The following UBR2 variants were observed in gnomAD, a reference collection of about 807,000 sequenced individuals.
The protein encoded by UBR2 is E3 ubiquitin-protein ligase UBR2.
Under a neutral mutation model 247.9 loss-of-function variants are expected in UBR2, and 92 were observed. That is an observed-to-expected ratio of 0.37 (90% CI 0.31 to 0.44). The LOEUF is 0.44. UBR2 is among the 20% of genes least tolerant of loss of function. UBR2 has a pLI of 1.00. For missense variants in UBR2, 1,613 were observed against 2,112.6 expected, an observed-to-expected ratio of 0.76 and a Z score of 4.64; for synonymous variants, 672 against 693.5, an observed-to-expected ratio of 0.97 and a Z score of 0.49.
At chr6:42,600,373 A>G (rs942545546) in intron 4 of UBR2, among the ~76,000 whole-genome samples, 5 of 152,184 alleles carry the variant, frequency 3.3e-5, no homozygotes, top group Non-Finnish European at 5.9e-5. Flanking sequence ...GTAATAATAG[A>G]TAATACAATA....
chr6:42,631,658 C>T (rs1160555164), intron 11 of UBR2, among the ~76,000 whole-genome samples: 1 of 151,238 alleles, frequency 6.6e-6, no homozygotes, highest in Non-Finnish European at 1.5e-5. Context: ...AAAAGTAGAC[C>T]TGGTTAAAAA....
intron 9 of UBR2, 138 bp from the exon 10 acceptor site, chr6:42,615,864 C>G: frequency 3.5e-6 from 2 of 564,502 alleles, no homozygotes. Context: ...TTAAGACCAG[C>G]CTGGGCAACA....
In UBR2 at chr6:42,662,562, G is replaced by C. The variant is rs577988933; in HGVS notation, c.3536+285G>C. Among the ~76,000 whole-genome samples, 4 of 152,314 alleles carry C rather than the reference G, an allele frequency of 2.6e-5. No homozygotes were observed. In the South Asian group the frequency reaches 8.3e-4, roughly 32 times the overall value. ...GATGAAGAAAAGGGTTTTTACAGTAGGATAAACTCTAGAAGGGTAATGTTG... is the reference window on the plus strand; with the variant it reads ...GATGAAGAAAAGGGTTTTTACAGTACGATAAACTCTAGAAGGGTAATGTTG... On this transcript the variant is annotated intron_variant, in intron 31 of 46. Transcript: ENST00000372901.
chr6:42,600,532 TATG>T (rs941037934), intron 4 of UBR2, among the ~76,000 whole-genome samples: 1 of 151,080 alleles, frequency 6.6e-6, no homozygotes, highest in Non-Finnish European at 1.5e-5. Flanking sequence ...AATAATTCTT[TATG>T]ATGAGTGACA....
At chr6:42,661,609 T>C (rs1797807550) in intron 30 of UBR2, among the ~76,000 whole-genome samples, 1 of 152,208 alleles carries the variant, frequency 6.6e-6, no homozygotes, top group Admixed American at 6.5e-5. Flanking sequence ...ATATAAAAAT[T>C]AGCACCAGGA....
chr6:42,571,124 T>C (rs1019878856), intron 1 of UBR2, among the ~76,000 whole-genome samples: 1 of 150,956 alleles, frequency 6.6e-6, no homozygotes, highest in Non-Finnish European at 1.5e-5. Context: ...TAGCCTGTAG[T>C]CCCAGCTACT....
At chr6:42,682,586 A>G (rs1414329810) in intron 42 of UBR2, among the ~76,000 whole-genome samples, 2 of 151,972 alleles carry the variant, frequency 1.3e-5, no homozygotes, top group African/African-American at 4.8e-5. Context: ...CACCCAGCTA[A>G]TTTTTGTATT....
intron 11 of UBR2, among the ~76,000 whole-genome samples, chr6:42,630,133 CAGTAGT>C (rs79492372): frequency 1.7e-4 from 25 of 149,020 alleles, no homozygotes; most frequent in Non-Finnish European, 2.4e-4. Flanking sequence ...GTAGCAGTAG[CAGTAGT>C]AGTAGTAGTA....
At chr6:42,591,182 G>C (rs1294397792) in intron 2 of UBR2, among the ~76,000 whole-genome samples, 1 of 152,164 alleles carries the variant, frequency 6.6e-6, no homozygotes, top group Non-Finnish European at 1.5e-5. Flanking sequence ...AGTCCAAGAG[G>C]TTGAGGCTGC....
intron 23 of UBR2, among the ~76,000 whole-genome samples, chr6:42,650,937 T>G (rs1331576403): frequency 6.6e-6 from 1 of 152,120 alleles, no homozygotes; most frequent in Non-Finnish European, 1.5e-5. Context: ...TCCTAGGTAA[T>G]TAAATTTTGC....
chr6:42,606,639 A>G lies in UBR2; in HGVS notation c.852A>G (p.Lys284=). The change falls in exon 7 of 47, where the codon AAA becomes AAG. Residue 284 remains lysine (K), a synonymous_variant. Transcript: ENST00000372901. ...ATTTTCAGTATTGTGAGCAAGCAAAATCAGTAATTGTGGTAAGTAATTTAA... is the reference window on the plus strand; with the variant it reads ...ATTTTCAGTATTGTGAGCAAGCAAAGTCAGTAATTGTGGTAAGTAATTTAA... The part of the protein sequence containing the change: ...YGDFQYCEQA[K]SVIVRNTSRQ... 5 of 1,606,742 alleles carry G rather than the reference A, an allele frequency of 3.1e-6. No homozygotes were observed. Among genetic ancestry groups the G allele is most frequent in the Non-Finnish European group, 4.2e-6 (5 of 1,177,164 alleles).
At chr6:42,609,024 G>T (rs1450853844) in intron 7 of UBR2, among the ~76,000 whole-genome samples, 1 of 152,104 alleles carries the variant, frequency 6.6e-6, no homozygotes, top group Non-Finnish European at 1.5e-5. Context: ...CAATAAAATA[G>T]AAAATGGACA....
intron 34 of UBR2, among the ~76,000 whole-genome samples, chr6:42,667,270 A>G (rs1798159319): frequency 6.6e-6 from 1 of 151,566 alleles, no homozygotes; most frequent in Non-Finnish European, 1.5e-5. Context: ...TGGGAGGCAG[A>G]GGTTGCAATG....
At chr6:42,668,222 T>C (rs548612553) in intron 34 of UBR2, among the ~76,000 whole-genome samples, 1 of 152,318 alleles carries the variant, frequency 6.6e-6, no homozygotes, top group East Asian at 1.9e-4. Context: ...TCTTCCTCTT[T>C]CTTAAGTACT....
At chr6:42,611,511 AT>A (rs1250649555) in intron 7 of UBR2, among the ~76,000 whole-genome samples, 4 of 151,952 alleles carry the variant, frequency 2.6e-5, no homozygotes, top group Admixed American at 1.3e-4. Flanking sequence ...AATTATTTAA[AT>A]AAGTACATAA....
chr6:42,688,062 C>A (rs1209907735), intron 44 of UBR2, 154 bp from the exon 45 acceptor site: 5 of 778,798 alleles, frequency 6.4e-6, no homozygotes, highest in Non-Finnish European at 1.0e-5. Context: ...GTTTCCTATT[C>A]CAGATTCTAG....
At chr6:42,684,734 C>T (rs1328774325) in intron 43 of UBR2, 60 bp from the exon 44 acceptor site, 4 of 1,344,650 alleles carry the variant, frequency 3.0e-6, no homozygotes, top group South Asian at 2.6e-5. Context: ...ATGGAAGTGC[C>T]TCATAGTATA....
At chr6:42,663,998 A>C (rs1797969839) in intron 32 of UBR2, among the ~76,000 whole-genome samples, 2 of 152,282 alleles carry the variant, frequency 1.3e-5, no homozygotes, top group South Asian at 4.1e-4. Flanking sequence ...GTCTGTACAA[A>C]AAATAAAAAG....
chr6:42,649,389 T>C (rs2151964781), intron 22 of UBR2, among the ~76,000 whole-genome samples: 1 of 152,322 alleles, frequency 6.6e-6, no homozygotes, highest in South Asian at 2.1e-4. Context: ...TTTTCTCTTA[T>C]AAACAAATAT....
Sources: gnomAD v4.1 joint callset for allele counts (sites outside exome capture counted in the v4.1 genomes callset) on GRCh38, gnomAD v4.1.1 for gene constraint, MANE v1.5 for transcripts, NCBI Gene and HGNC (gene_info 2026-07-23, HGNC 2026-07-21) for gene names.